Variants in RAP1GAP2 observed in about 807,000 individuals in gnomAD.
RAP1GAP2 encodes RAP1 GTPase activating protein 2, also known as rap1 GTPase-activating protein 2.
Under a neutral mutation model 95.0 loss-of-function variants are expected in RAP1GAP2, and 27 were observed. That is an observed-to-expected ratio of 0.28 (90% CI 0.21 to 0.39). The LOEUF is 0.39. Among genes scored for constraint, RAP1GAP2 ranks in the 10% least tolerant of loss-of-function variants. The pLI is 1.00. For synonymous variants in RAP1GAP2, 373 were observed against 380.9 expected (o/e 0.98, Z 0.24); for missense variants, 771 against 970.0 (o/e 0.79, Z 2.72).
At chr17:2,810,632 G>C (rs2069729366) in intron 2 of RAP1GAP2, among the ~76,000 whole-genome samples, 1 of 140,042 alleles carries the variant, frequency 7.1e-6, no homozygotes, top group Admixed American at 8.1e-5. Flanking sequence ...CCAGGTTCAA[G>C]TGATTCTCCT....
chr17:2,996,268 T>C (rs1375892521), intron 13 of RAP1GAP2, among the ~76,000 whole-genome samples: 6 of 152,160 alleles, frequency 3.9e-5, no homozygotes, highest in Admixed American at 3.9e-4. Context: ...TGCCCCCCGT[T>C]TGCTGCTCTG....
chr17:3,002,010 T>C (rs2046177633), intron 14 of RAP1GAP2, among the ~76,000 whole-genome samples: 1 of 150,330 alleles, frequency 6.7e-6, no homozygotes, highest in Admixed American at 6.7e-5. Flanking sequence ...TCACCCAGGC[T>C]AGAGTGCAGT....
rs2047221199 is a variant in RAP1GAP2 at position 3,029,337 on chromosome 17, G to C, written c.2108-1585G>C. On this transcript the variant is annotated intron_variant, in intron 22 of 24. Transcript: ENST00000254695. This position sits in a 1 kb window ranked among gnomAD's most constrained non-coding sequence, Gnocchi z 4.4. ...CGGTGCTTCCCACACCACACGGTGA[G>C]GCTGCCTCTTACACACCTTTTCTCC... Among the ~76,000 whole-genome samples, 1 of 152,170 alleles carries C rather than the reference G, an allele frequency of 6.6e-6. No individual in the cohort carries two copies. Among genetic ancestry groups the C allele is most frequent in the African/African-American group, 2.4e-5 (1 of 41,442 alleles).
chr17:2,767,395 A>G (rs2068297439), intron 1 of RAP1GAP2, among the ~76,000 whole-genome samples: 1 of 145,794 alleles, frequency 6.9e-6, no homozygotes, highest in Non-Finnish European at 1.5e-5. Flanking sequence ...AAAGGTTGGA[A>G]TAGGTAATCT....
At chr17:3,032,476 G>T in intron 24 of RAP1GAP2, 27 bp downstream of exon 24, 1 of 1,601,740 alleles carries the variant, frequency 6.2e-7, no homozygotes. Context: ...TCCTGCTGTG[G>T]CCGTGAGGGG....
At chr17:2,921,582 G>A (rs565671763) in intron 3 of RAP1GAP2, among the ~76,000 whole-genome samples, 1 of 152,126 alleles carries the variant, frequency 6.6e-6, no homozygotes, top group African/African-American at 2.4e-5. Context: ...TGTCCGCAGG[G>A]CCTTTAAGGT....
At chr17:2,844,576 C>G (rs895390226) in intron 2 of RAP1GAP2, among the ~76,000 whole-genome samples, 1 of 152,180 alleles carries the variant, frequency 6.6e-6, no homozygotes, top group African/African-American at 2.4e-5. Context: ...GCTCAGCTCC[C>G]GGCTGGGTGA....
chr17:2,804,021 G>A (rs1399641430), intron 2 of RAP1GAP2, among the ~76,000 whole-genome samples: 1 of 152,214 alleles, frequency 6.6e-6, no homozygotes, highest in African/African-American at 2.4e-5. Flanking sequence ...TGCATTTCTG[G>A]TGAATTGATG....
chr17:2,985,462 G>T (rs917735413), intron 11 of RAP1GAP2, among the ~76,000 whole-genome samples: 1 of 152,180 alleles, frequency 6.6e-6, no homozygotes, highest in African/African-American at 2.4e-5. Flanking sequence ...AAACTTGAGT[G>T]ATGTGATGGA....
At chr17:2,976,535 T>C (rs916596164) in intron 8 of RAP1GAP2, among the ~76,000 whole-genome samples, 1 of 152,068 alleles carries the variant, frequency 6.6e-6, no homozygotes, top group Non-Finnish European at 1.5e-5. Flanking sequence ...TGTATCAAAT[T>C]GTGTGGGCTG....
At chr17:2,923,038 G>C (rs2151771254) in intron 3 of RAP1GAP2, among the ~76,000 whole-genome samples, 1 of 136,236 alleles carries the variant, frequency 7.3e-6, no homozygotes, top group South Asian at 2.4e-4. Context: ...ACCACACCTG[G>C]CTATTTTTTT....
At chr17:2,842,974 G>T (rs914615245) in intron 2 of RAP1GAP2, among the ~76,000 whole-genome samples, 31 of 152,104 alleles carry the variant, frequency 2.0e-4, no homozygotes, top group African/African-American at 7.2e-4. Context: ...TTGAGGGCTA[G>T]CGTAGAGCAG....
chr17:2,920,008 T>A (rs1231876538), intron 3 of RAP1GAP2, among the ~76,000 whole-genome samples: 1 of 127,274 alleles, frequency 7.9e-6, no homozygotes, highest in Non-Finnish European at 1.6e-5. Context: ...GCCTCCTTTT[T>A]TCTTTTTTTT....
At chr17:2,863,507 G>C (rs1402823715) in intron 2 of RAP1GAP2, among the ~76,000 whole-genome samples, 1 of 152,098 alleles carries the variant, frequency 6.6e-6, no homozygotes, top group Non-Finnish European at 1.5e-5. Flanking sequence ...TTTCTCCAAA[G>C]GCAGGAGTTG....
chr17:3,020,363 A>G (rs1195448319), intron 18 of RAP1GAP2, 114 bp from the exon 19 acceptor site: 2 of 785,278 alleles, frequency 2.5e-6, no homozygotes, highest in South Asian at 1.6e-5. Flanking sequence ...CTGTCTTGCT[A>G]TTTTCTGGGG....
At chr17:2,874,549 G>A (rs926865151) in intron 2 of RAP1GAP2, among the ~76,000 whole-genome samples, 1 of 152,176 alleles carries the variant, frequency 6.6e-6, no homozygotes, top group African/African-American at 2.4e-5. Context: ...TAAGAATGAC[G>A]TGGAGAGGAA....
At chr17:2,970,660 A>G (rs530797036) in intron 8 of RAP1GAP2, among the ~76,000 whole-genome samples, 34 of 152,348 alleles carry the variant, frequency 2.2e-4, no homozygotes, top group Non-Finnish European at 4.7e-4. Flanking sequence ...CTCTTCATAT[A>G]TTTAAGAACT....
chr17:2,985,133 C>T (rs2045510405), intron 11 of RAP1GAP2, 67 bp downstream of exon 11: 11 of 1,602,856 alleles, frequency 6.9e-6, no homozygotes, highest in Non-Finnish European at 7.7e-6. Context: ...TTTTTATCCC[C>T]ACCCAGAACA....
chr17:2,768,358 G>A (rs1051039806), intron 1 of RAP1GAP2, among the ~76,000 whole-genome samples: 19 of 152,258 alleles, frequency 1.2e-4, no homozygotes, highest in African/African-American at 4.6e-4. Flanking sequence ...AGGAGGGCAG[G>A]GACTATGTCA....
Sources: gnomAD v4.1 joint callset for allele counts (sites outside exome capture counted in the v4.1 genomes callset) on GRCh38, gnomAD v4.1.1 for gene constraint, Gnocchi (gnomAD v3.1) non-coding constraint, MANE v1.5 for transcripts, NCBI Gene and HGNC (gene_info 2026-07-23, HGNC 2026-07-21) for gene names.